The following CAMTA1 variants were observed in gnomAD, a reference collection of about 807,000 sequenced individuals.
The protein encoded by CAMTA1 is calmodulin binding transcription activator 1.
In CAMTA1, 27 loss-of-function variants were observed where a neutral mutation model predicts 170.9. The ratio of observed to expected loss-of-function variants is 0.16; its 90% CI spans 0.12 to 0.22. The LOEUF is 0.22. Ranked by LOEUF, CAMTA1 falls within the 10% of genes least tolerant of loss-of-function variation. The pLI is 1.00. For missense variants in CAMTA1, 1,619 were observed against 2,217.2 expected, an observed-to-expected ratio of 0.73 and a Z score of 5.42; for synonymous variants, 833 against 891.5, an observed-to-expected ratio of 0.93 and a Z score of 1.17.
Position 7,682,781 on chromosome 1 carries a change from A to G in CAMTA1, c.2914+5048A>G, listed in dbSNP as rs954744085. 6.6e-6 allele frequency among the ~76,000 whole-genome samples: 1 copy of G among 152,198 alleles called. No individual in the cohort carries two copies. The highest frequency in any genetic ancestry group is 6.5e-5 in the Admixed American group (1 of 15,278). ...GAGTGGGCCTGGGCCGGCCGCTCCT[A>G]GGCTGGCTCCCTCCCTCAGATCCAC... On this transcript the variant is annotated intron_variant, in intron 11 of 22. Coordinates refer to ENST00000303635, the MANE Select transcript of CAMTA1 (RefSeq NM_015215.4). This position sits in a 1 kb window ranked among gnomAD's most constrained non-coding sequence, Gnocchi z 5.0.
intron 3 of CAMTA1, among the ~76,000 whole-genome samples, chr1:6,870,878 A>G (rs1256283597): frequency 6.6e-6 from 1 of 152,202 alleles, no homozygotes; most frequent in East Asian, 1.9e-4. Flanking sequence ...TTGTGTTATG[A>G]TACTGTTCAT....
intron 5 of CAMTA1, among the ~76,000 whole-genome samples, chr1:7,418,690 C>G (rs898517096): frequency 6.6e-6 from 1 of 152,198 alleles, no homozygotes; most frequent in Non-Finnish European, 1.5e-5. Flanking sequence ...CAAAGCTGAG[C>G]CCCTGAACTT....
At chr1:7,452,073 C>T (rs996847673) in intron 5 of CAMTA1, among the ~76,000 whole-genome samples, 1 of 152,010 alleles carries the variant, frequency 6.6e-6, no homozygotes, top group African/African-American at 2.4e-5. Context: ...GGGGGGCTAA[C>T]CCCCCTCTAA....
chr1:6,973,241 T>C (rs774165566), intron 3 of CAMTA1, among the ~76,000 whole-genome samples: 1 of 152,204 alleles, frequency 6.6e-6, no homozygotes, highest in Non-Finnish European at 1.5e-5. Flanking sequence ...TCATCTTGCA[T>C]GACTGAAATT....
At chr1:7,755,528 A>G (rs1350985114) in intron 21 of CAMTA1, 110 bp from the exon 22 acceptor site, 94 of 897,480 alleles carry the variant, frequency 1.0e-4, no homozygotes, top group Non-Finnish European at 1.5e-4. Context: ...CTTTCTTTCC[A>G]AAAAAGAAAC....
intron 9 of CAMTA1, among the ~76,000 whole-genome samples, chr1:7,666,202 T>C (rs149843643): frequency 0.011 from 1,639 of 150,516 alleles, 35 homozygotes; most frequent in African/African-American, 0.036. Flanking sequence ...GTCACCATCA[T>C]AGATCGTCTA....
At chr1:7,004,038 A>G (rs955702883) in intron 3 of CAMTA1, among the ~76,000 whole-genome samples, 2 of 152,248 alleles carry the variant, frequency 1.3e-5, no homozygotes, top group Non-Finnish European at 2.9e-5. Context: ...GCGTTTGGTT[A>G]TGGAACATGA....
intron 4 of CAMTA1, among the ~76,000 whole-genome samples, chr1:7,096,854 A>G (rs1642142858): frequency 6.6e-6 from 1 of 152,126 alleles, no homozygotes; most frequent in Non-Finnish European, 1.5e-5. Context: ...GGAGCCTCAG[A>G]TACTTCCTGG....
intron 1 of CAMTA1, among the ~76,000 whole-genome samples, chr1:6,792,621 A>G (rs555145730): frequency 6.6e-6 from 1 of 152,132 alleles, no homozygotes; most frequent in Non-Finnish European, 1.5e-5. Flanking sequence ...TTGACATGGC[A>G]TAAGATGGAA....
At chr1:7,488,263 C>T (rs778574797) in intron 6 of CAMTA1, among the ~76,000 whole-genome samples, 1 of 152,182 alleles carries the variant, frequency 6.6e-6, no homozygotes, top group Non-Finnish European at 1.5e-5. Context: ...GCTGGAGCAG[C>T]TGTGAGGCTG....
At chr1:6,900,829 T>G (rs1408382740) in intron 3 of CAMTA1, among the ~76,000 whole-genome samples, 1 of 152,204 alleles carries the variant, frequency 6.6e-6, no homozygotes, top group African/African-American at 2.4e-5. Flanking sequence ...AAAGACTAAA[T>G]AGTAAGATGT....
intron 11 of CAMTA1, among the ~76,000 whole-genome samples, chr1:7,679,689 T>C (rs148955884): frequency 0.014 from 2,103 of 152,132 alleles, 23 homozygotes; most frequent in Middle Eastern, 0.075. Context: ...GGCGATGACA[T>C]CAAGGCCTGG....
chr1:6,924,249 CAT>C (rs1682631551), intron 3 of CAMTA1, among the ~76,000 whole-genome samples: 1 of 152,318 alleles, frequency 6.6e-6, no homozygotes, highest in Non-Finnish European at 1.5e-5. Context: ...AGACTGGAAA[CAT>C]AAAGATGGTG....
chr1:7,218,194 T>C (rs1353664512), intron 4 of CAMTA1, among the ~76,000 whole-genome samples: 1 of 152,250 alleles, frequency 6.6e-6, no homozygotes, highest in East Asian at 1.9e-4. Flanking sequence ...GTAAGTTATT[T>C]GATCTTTTCA....
intron 6 of CAMTA1, among the ~76,000 whole-genome samples, chr1:7,637,146 G>A (rs1412538855): frequency 1.3e-5 from 2 of 152,246 alleles, no homozygotes; most frequent in African/African-American, 4.8e-5. Context: ...CATGGTGAGA[G>A]AGGGCCTTTG....
intron 5 of CAMTA1, among the ~76,000 whole-genome samples, chr1:7,353,431 CT>C (rs34163773): frequency 3.6e-5 from 5 of 138,982 alleles, no homozygotes; most frequent in African/African-American, 5.5e-5. Flanking sequence ...TTCTTTCTCT[CT>C]TTTTTTTTTT....
chr1:7,762,376 A>T (rs1416325575), intron 22 of CAMTA1, among the ~76,000 whole-genome samples: 1 of 152,236 alleles, frequency 6.6e-6, no homozygotes, highest in Non-Finnish European at 1.5e-5. Flanking sequence ...AAATTTAGCC[A>T]TTTGAAACAC....
chr1:7,091,501 G>C (rs1272193252), intron 4 of CAMTA1, 130 bp downstream of exon 4: 22 of 708,638 alleles, frequency 3.1e-5, no homozygotes, highest in Non-Finnish European at 5.4e-5. Context: ...GATGGCTTTC[G>C]ACACTGAGGT....
intron 6 of CAMTA1, among the ~76,000 whole-genome samples, chr1:7,550,495 C>T (rs1320438530): frequency 6.6e-6 from 1 of 151,696 alleles, no homozygotes; most frequent in Non-Finnish European, 1.5e-5. Context: ...CACCTGGGCC[C>T]CTCCCATATG....
Sources: gnomAD v4.1 joint callset for allele counts (sites outside exome capture counted in the v4.1 genomes callset) on GRCh38, gnomAD v4.1.1 for gene constraint, Gnocchi (gnomAD v3.1) non-coding constraint, MANE v1.5 for transcripts, NCBI Gene and HGNC (gene_info 2026-07-23, HGNC 2026-07-21) for gene names.